The following AP4E1 variants were observed in gnomAD, a reference collection of about 807,000 sequenced individuals.
AP4E1 encodes adaptor related protein complex 4 subunit epsilon 1, also known as AP-4 complex subunit epsilon-1.
AP4E1 carries 56 observed loss-of-function variants against 128.2 expected under a neutral mutation model. The ratio of observed to expected loss-of-function variants is 0.44; its 90% CI spans 0.35 to 0.55. The LOEUF is 0.55. Among genes scored for constraint, AP4E1 ranks in the 20% least tolerant of loss-of-function variants. The pLI is 0.00. For missense variants in AP4E1, 1,324 were observed against 1,307.7 expected, an observed-to-expected ratio of 1.01 and a Z score of -0.19; for synonymous variants, 484 against 473.1, an observed-to-expected ratio of 1.02 and a Z score of -0.30.
chr15:50,929,089 T>C lies in AP4E1; in HGVS notation c.623T>C (p.Ile208Thr), dbSNP rs768283866. ...IAPNQVQHIHIKFRKALCDRD... is the reference protein window; with the variant it reads ...IAPNQVQHIHTKFRKALCDRD... ...CCTAATCAAGTACAACATATTCATA[T>C]TAAGTTTCGGAAAGCACTTTGTGAC... The change falls in exon 6 of 21, where the codon ATT becomes ACT. Residue 208 changes from isoleucine (I) to threonine (T), a missense_variant. Ile to Thr is a moderately conservative substitution (Grantham distance 89). Transcript: ENST00000261842. 3 of 1,613,918 alleles carry C rather than the reference T, an allele frequency of 1.9e-6. 1 individual carries two copies. The South Asian group carries it at 3.3e-5, about 18-fold the overall frequency.
chr15:50,935,141 A>G (rs1357244544), intron 8 of AP4E1, among the ~76,000 whole-genome samples: 1 of 152,142 alleles, frequency 6.6e-6, no homozygotes, highest in Non-Finnish European at 1.5e-5. Flanking sequence ...TGAATAAAAC[A>G]TTATGGGGCT....
rs566379197 is a variant in AP4E1 at position 50,948,659 on chromosome 15, A to G, written c.1316+500A>G. On this transcript the variant is annotated intron_variant, in intron 11 of 20. Coordinates refer to ENST00000261842, the MANE Select transcript of AP4E1 (RefSeq NM_007347.5). ...CAGAAGAACTTTACAGGTCATAAGC[A>G]TATTCCATTCATTAAAAAATGTTAC... 1.1e-4 allele frequency among the ~76,000 whole-genome samples: 16 copies of G among 152,328 alleles called. No individual in the cohort carries two copies. In the South Asian group the frequency reaches 2.9e-3, roughly 28 times the overall value.
At chr15:50,939,112 G>A (rs1474693250) in intron 8 of AP4E1, among the ~76,000 whole-genome samples, 1 of 152,102 alleles carries the variant, frequency 6.6e-6, no homozygotes, top group African/African-American at 2.4e-5. Context: ...ATTTTAATTA[G>A]TACCAAGAGA....
At chr15:50,918,604 A>G (rs2063656741) in intron 3 of AP4E1, among the ~76,000 whole-genome samples, 2 of 152,128 alleles carry the variant, frequency 1.3e-5, no homozygotes, top group Non-Finnish European at 2.9e-5. Flanking sequence ...CTCTAGCCCC[A>G]CTACCCAGTC....
intron 14 of AP4E1, among the ~76,000 whole-genome samples, chr15:50,963,519 A>C (rs1567240407): frequency 6.6e-6 from 1 of 152,216 alleles, no homozygotes; most frequent in Non-Finnish European, 1.5e-5. Flanking sequence ...GTGGAAGTTA[A>C]AAATGTGCAT....
rs2140934900 is a variant in AP4E1 at position 50,997,647 on chromosome 15, C to T, written c.2668C>T (p.Gln890Ter). 6.2e-7 allele frequency: 1 copy of T among 1,614,054 alleles called. No individual in the cohort carries two copies. Among genetic ancestry groups the T allele is most frequent in the Non-Finnish European group, 8.5e-7 (1 of 1,180,002 alleles). The change falls in exon 18 of 21, where the codon CAA becomes TAA. Residue 890 changes from glutamine (Q) to a stop codon, truncating the protein, a stop_gained. Coordinates refer to ENST00000261842, the MANE Select transcript of AP4E1 (RefSeq NM_007347.5). LOFTEE classifies it high-confidence loss of function. ...CAACATGGAAATTTTTCACCCTCCT[C>T]AATCTACTGCAGCCTCAGTTGCCAA... ...NNNMEIFHPP[Q>*]STAASVAKES...
intron 2 of AP4E1, among the ~76,000 whole-genome samples, chr15:50,914,675 T>G (rs1212454792): frequency 6.6e-6 from 1 of 151,136 alleles, no homozygotes; most frequent in Non-Finnish European, 1.5e-5. Flanking sequence ...AAAAAAAGTC[T>G]GTGAGCTTTT....
At chr15:50,945,616 G>A in intron 10 of AP4E1, 7 of 760,518 alleles carry the variant, frequency 9.2e-6, no homozygotes, top group Non-Finnish European at 1.7e-5. Context: ...AAGCAGGGAG[G>A]TATATCACAC....
Position 50,968,996 on chromosome 15 carries a change from TTTC to T in AP4E1, c.1966+628_1966+630del, listed in dbSNP as rs543589322. On this transcript the variant is annotated intron_variant, in intron 15 of 20. Coordinates refer to ENST00000261842, the MANE Select transcript of AP4E1 (RefSeq NM_007347.5). ...TAATGATCTTTATGGGAAACTTTTTTTTCTTCTTCTTTTTTTTTAATTTACACT... is the reference window on the plus strand; with the variant it reads ...TAATGATCTTTATGGGAAACTTTTTTTTCTTCTTTTTTTTTAATTTACACT... Among the ~76,000 whole-genome samples the T allele has an allele frequency of 3.0e-4, 46 of 152,202 alleles. No individual in the cohort carries two copies. In the South Asian group the frequency reaches 3.5e-3, roughly 12 times the overall value.
At position 50,968,321 on chromosome 15, in the gene AP4E1, C is replaced by T. The variant is rs770671541; in HGVS notation, c.1910C>T (p.Ala637Val). ...GTGGCTGAAGGACTCAGTCAGGGTG[C>T]AGCGCCTTACAAACCTCCCCATCAA... Reference protein sequence around the residue: ...GFVAEGLSQGAAPYKPPHQRQ... With the variant: ...GFVAEGLSQGVAPYKPPHQRQ... The change falls in exon 15 of 21, where the codon GCA becomes GTA. Residue 637 changes from alanine to valine, a missense_variant. Transcript: ENST00000261842. The T allele has an allele frequency of 2.5e-6, 4 of 1,613,678 alleles. No homozygotes were observed. The highest frequency in any genetic ancestry group is 1.1e-5 in the South Asian group (1 of 91,034).
rs2064979943 is a variant in AP4E1, at chr15:51,002,716, C to CT, written c.*56dup. 1 of 1,601,336 alleles carries CT rather than the reference C, an allele frequency of 6.2e-7. No individual in the cohort carries two copies. The highest frequency in any genetic ancestry group is 1.3e-5 in the African/African-American group (1 of 74,654). On this transcript the variant is annotated 3_prime_UTR_variant, in exon 21 of 21. Transcript: ENST00000261842. ...AAGATCAATGGTTTACATAGATAAA[C>CT]TTATTTACCAAAGTAAAAAGAACTC...
intron 15 of AP4E1, among the ~76,000 whole-genome samples, chr15:50,981,601 A>T (rs2064643047): frequency 6.6e-6 from 1 of 152,220 alleles, no homozygotes; most frequent in African/African-American, 2.4e-5. Context: ...ATTTTGCATC[A>T]TAAGGACATG....
At chr15:50,992,155 C>T (rs2140926750) in intron 16 of AP4E1, among the ~76,000 whole-genome samples, 1 of 151,728 alleles carries the variant, frequency 6.6e-6, no homozygotes, top group South Asian at 2.1e-4. Flanking sequence ...AACCATGTAC[C>T]CTAGGAATGT....
intron 1 of AP4E1, among the ~76,000 whole-genome samples, chr15:50,909,545 T>C (rs1461850471): frequency 6.6e-6 from 1 of 152,218 alleles, no homozygotes; most frequent in Non-Finnish European, 1.5e-5. Flanking sequence ...CAAGTGGGCT[T>C]TGAAAATGAG....
At chr15:50,948,785 C>G (rs1482600158) in intron 11 of AP4E1, among the ~76,000 whole-genome samples, 1 of 151,914 alleles carries the variant, frequency 6.6e-6, no homozygotes, top group Non-Finnish European at 1.5e-5. Context: ...CCAGCCTGAC[C>G]AACATGGAGA....
intron 15 of AP4E1, among the ~76,000 whole-genome samples, chr15:50,968,735 C>T (rs560990283): frequency 1.1e-4 from 17 of 152,312 alleles, no homozygotes; most frequent in Middle Eastern, 6.8e-3. Flanking sequence ...TCAAGTGGTT[C>T]TTGTGCCTCA....
At chr15:50,937,074 A>G (rs2063917563) in intron 8 of AP4E1, among the ~76,000 whole-genome samples, 1 of 152,124 alleles carries the variant, frequency 6.6e-6, no homozygotes, top group Non-Finnish European at 1.5e-5. Context: ...TTTCATTGTT[A>G]TGCTTTTCTC....
At chr15:50,955,746 A>T in intron 13 of AP4E1, among the ~76,000 whole-genome samples, 1 of 152,238 alleles carries the variant, frequency 6.6e-6, no homozygotes, top group East Asian at 1.9e-4. Flanking sequence ...ACTGCAGGGG[A>T]GTAGGCCTCT....
intron 2 of AP4E1, among the ~76,000 whole-genome samples, chr15:50,912,773 C>T (rs182053977): frequency 1.3e-5 from 2 of 152,204 alleles, no homozygotes; most frequent in African/African-American, 4.8e-5. Flanking sequence ...ACCGATTCTC[C>T]TGCCTCAGCC....
Sources: allele counts gnomAD v4.1 joint callset (sites outside exome capture counted in the v4.1 genomes callset), GRCh38; gene constraint gnomAD v4.1.1; transcripts MANE v1.5; gene names NCBI Gene and HGNC (gene_info 2026-07-23, HGNC 2026-07-21).